CCDC146: variants seen among roughly 807,000 people sequenced by gnomAD.
The protein encoded by CCDC146 is coiled-coil domain containing 146, also known as coiled-coil domain-containing protein 146.
Under a neutral mutation model 119.3 loss-of-function variants are expected in CCDC146, and 92 were observed. That is an observed-to-expected ratio of 0.77 (90% CI 0.65 to 0.92). The LOEUF (loss-of-function observed/expected upper bound fraction) is 0.92, where lower values mean the gene tolerates loss of function less well. Among genes scored for constraint, CCDC146 ranks in the 40% least tolerant of loss-of-function variants. The pLI is 0.00. For missense variants in CCDC146, 1,000 were observed against 1,103.0 expected (o/e 0.91, Z 1.32); for synonymous variants, 372 against 371.8 (o/e 1.00, Z -0.01).
intron 6 of CCDC146, among the ~76,000 whole-genome samples, chr7:77,256,727 C>T (rs1793186630): frequency 6.6e-6 from 1 of 152,188 alleles, no homozygotes; most frequent in African/African-American, 2.4e-5. Context: ...TCGGAGCCCT[C>T]ACCCTGCGGA....
intron 2 of CCDC146, among the ~76,000 whole-genome samples, chr7:77,235,390 A>T (rs573710723): frequency 2.0e-5 from 3 of 152,312 alleles, no homozygotes; most frequent in Non-Finnish European, 4.4e-5. Context: ...TGAGACATGA[A>T]GAAAGACTTG....
chr7:77,280,446 T>G lies in CCDC146; in HGVS notation c.1712T>G (p.Met571Arg), dbSNP rs745743148. The G allele has an allele frequency of 6.2e-7, 1 of 1,611,670 alleles. No homozygotes were observed. Among genetic ancestry groups the G allele is most frequent in the South Asian group, 1.1e-5 (1 of 90,206 alleles). ...TTTAAAAGAAAGCTACAAAATTCCATGCTGAAACACGCCAACAATGTTACC... is the reference window on the plus strand; with the variant it reads ...TTTAAAAGAAAGCTACAAAATTCCAGGCTGAAACACGCCAACAATGTTACC... The part of the protein sequence containing the change: ...VSQERKLQNS[M>R]LKHANNVTIR... Residue 571 changes from methionine (M) to arginine (R), a missense_variant, in exon 14 of 19, where the codon ATG becomes AGG. By Grantham distance (91) the Met-to-Arg change is moderately conservative. This residue lies in a region of CCDC146 where 985 missense variants were observed against 1,045.3 expected (regional missense o/e 0.94). Coordinates refer to ENST00000285871, the MANE Select transcript of CCDC146 (RefSeq NM_020879.3).
chr7:77,124,302 G>A (rs1790664420), intron 1 of CCDC146, among the ~76,000 whole-genome samples: 1 of 152,112 alleles, frequency 6.6e-6, no homozygotes, highest in Admixed American at 6.5e-5. Flanking sequence ...ATTAAGATTG[G>A]TATAAAATAG....
intron 2 of CCDC146, among the ~76,000 whole-genome samples, chr7:77,205,936 A>C (rs1792072697): frequency 6.6e-6 from 1 of 152,244 alleles, no homozygotes; most frequent in South Asian, 2.1e-4. Context: ...GAATGTGAAA[A>C]ACATGGCACT....
intron 9 of CCDC146, among the ~76,000 whole-genome samples, chr7:77,267,699 A>G (rs1332492106): frequency 1.3e-5 from 2 of 152,158 alleles, no homozygotes; most frequent in African/African-American, 4.8e-5. Flanking sequence ...TGCCTGAGCC[A>G]TGTGATATTA....
chr7:77,207,594 T>C (rs1038112846), intron 2 of CCDC146, among the ~76,000 whole-genome samples: 1 of 152,186 alleles, frequency 6.6e-6, no homozygotes, highest in Non-Finnish European at 1.5e-5. Context: ...TTTATTACTA[T>C]GATCATCTCA....
chr7:77,196,997 A>G lies in CCDC146; in HGVS notation c.156+29173A>G. The G allele has an allele frequency of 2.0e-6, 3 of 1,508,888 alleles. No homozygotes were observed. Among genetic ancestry groups the G allele is most frequent in the Non-Finnish European group, 2.7e-6 (3 of 1,098,740 alleles). The allele number at this position is 1,508,888 out of a possible 1,614,324, so 93.5% of individuals were successfully genotyped here. On this transcript the variant is annotated intron_variant, in intron 2 of 18. Coordinates refer to ENST00000285871, the MANE Select transcript of CCDC146 (RefSeq NM_020879.3). This position sits in a 1 kb window ranked among gnomAD's most constrained non-coding sequence, Gnocchi z 4.2. ...TATTAGATGTTGAACTGAAGGGGAA[A>G]TAAAAGGAAGGCATTGGATCTTGTT...
chr7:77,181,506 A>G (rs1482151758), intron 2 of CCDC146, among the ~76,000 whole-genome samples: 1 of 152,224 alleles, frequency 6.6e-6, no homozygotes, highest in East Asian at 1.9e-4. Context: ...GGCAAATGTT[A>G]AAGCGGTAAC....
intron 2 of CCDC146, among the ~76,000 whole-genome samples, chr7:77,182,675 G>A (rs1791607653): frequency 6.6e-6 from 1 of 152,146 alleles, no homozygotes; most frequent in African/African-American, 2.4e-5. Context: ...GTGCACGCCT[G>A]TAGTCCCAGA....
intron 2 of CCDC146, among the ~76,000 whole-genome samples, chr7:77,184,082 C>T (rs1359402541): frequency 2.0e-5 from 3 of 152,070 alleles, no homozygotes; most frequent in African/African-American, 7.2e-5. Context: ...AGCTGAGCCC[C>T]CAAAGGGATA....
chr7:77,161,727 T>G (rs543565704), intron 1 of CCDC146, among the ~76,000 whole-genome samples: 38 of 151,934 alleles, frequency 2.5e-4, no homozygotes, highest in African/African-American at 8.4e-4. Context: ...GCATGGCACA[T>G]GTATACACAT....
chr7:77,145,364 A>G (rs1339725291), intron 1 of CCDC146, among the ~76,000 whole-genome samples: 1 of 151,612 alleles, frequency 6.6e-6, no homozygotes, highest in Non-Finnish European at 1.5e-5. Context: ...TTTTCAAAAA[A>G]CCAGCTCCTG....
At chr7:77,152,658 A>G (rs956651868) in intron 1 of CCDC146, among the ~76,000 whole-genome samples, 4 of 152,156 alleles carry the variant, frequency 2.6e-5, no homozygotes, top group African/African-American at 9.7e-5. Context: ...AGAACTGAAG[A>G]TAAGGTCTTT....
At chr7:77,259,513 T>G (rs1178353171) in intron 7 of CCDC146, among the ~76,000 whole-genome samples, 1 of 152,176 alleles carries the variant, frequency 6.6e-6, no homozygotes. Context: ...CAGAGGTCAT[T>G]GAGGAAATTC....
intron 2 of CCDC146, among the ~76,000 whole-genome samples, chr7:77,217,530 A>G (rs1258580303): frequency 6.6e-6 from 1 of 151,174 alleles, no homozygotes; most frequent in Non-Finnish European, 1.5e-5. Flanking sequence ...CTACATATAT[A>G]TCCCTGTTAA....
intron 2 of CCDC146, among the ~76,000 whole-genome samples, chr7:77,187,977 A>G (rs1301104832): frequency 6.6e-6 from 1 of 152,194 alleles, no homozygotes; most frequent in Non-Finnish European, 1.5e-5. Context: ...TCAACCACTC[A>G]CAGATGCTGA....
chr7:77,152,326 C>T (rs1168922753), intron 1 of CCDC146, among the ~76,000 whole-genome samples: 1 of 152,110 alleles, frequency 6.6e-6, no homozygotes, highest in African/African-American at 2.4e-5. Context: ...AGAGCCATTA[C>T]CTTCAAAGGA....
At chr7:77,204,931 C>G (rs1792056432) in intron 2 of CCDC146, among the ~76,000 whole-genome samples, 1 of 152,156 alleles carries the variant, frequency 6.6e-6, no homozygotes, top group African/African-American at 2.4e-5. Context: ...CCAGCTTGGG[C>G]AACATAGTGA....
At chr7:77,180,991 T>C (rs946118680) in intron 2 of CCDC146, among the ~76,000 whole-genome samples, 12 of 152,260 alleles carry the variant, frequency 7.9e-5, no homozygotes, top group Non-Finnish European at 1.8e-4. Context: ...CTTTTTCATA[T>C]GTTTACCATT....
Sources: gnomAD v4.1 joint callset for allele counts (sites outside exome capture counted in the v4.1 genomes callset) on GRCh38, gnomAD v4.1.1 for gene constraint, gnomAD v4.1.1 regional missense constraint, Gnocchi (gnomAD v3.1) non-coding constraint, MANE v1.5 for transcripts, NCBI Gene and HGNC (gene_info 2026-07-23, HGNC 2026-07-21) for gene names.